Variants in SMURF2 observed in about 807,000 individuals in gnomAD.
SMURF2 encodes the protein SMAD specific E3 ubiquitin protein ligase 2, also known as E3 ubiquitin-protein ligase SMURF2.
In SMURF2, 48 loss-of-function variants were observed where a neutral mutation model predicts 109.6. The ratio of observed to expected loss-of-function variants is 0.44; its 90% CI spans 0.35 to 0.56. The LOEUF is 0.56. SMURF2 is among the 20% of genes least tolerant of loss of function. The pLI, the probability that SMURF2 is intolerant of heterozygous loss-of-function variation, is 0.01. For missense variants in SMURF2, 575 were observed against 909.0 expected (o/e 0.63, Z 4.72); for synonymous variants, 288 against 317.1 (o/e 0.91, Z 0.97).
chr17:64,628,008 G>A (rs1449308658), intron 1 of SMURF2, among the ~76,000 whole-genome samples: 2 of 152,098 alleles, frequency 1.3e-5, no homozygotes, highest in Non-Finnish European at 2.9e-5. Flanking sequence ...TAACAGTTTG[G>A]AAGTCCCACA....
At chr17:64,569,311 A>C (rs1439442322) in intron 10 of SMURF2, among the ~76,000 whole-genome samples, 1 of 152,130 alleles carries the variant, frequency 6.6e-6, no homozygotes, top group African/African-American at 2.4e-5. Context: ...AAAAAAAAAA[A>C]AATCCATACA....
At chr17:64,591,288 A>G in intron 4 of SMURF2, 139 bp from the exon 5 acceptor site, 1 of 607,748 alleles carries the variant, frequency 1.6e-6, no homozygotes, top group East Asian at 3.0e-5. Flanking sequence ...CAAAAACCAA[A>G]CACTGGTGTA....
intron 1 of SMURF2, among the ~76,000 whole-genome samples, chr17:64,622,573 G>A (rs1210469128): frequency 6.6e-6 from 1 of 152,056 alleles, no homozygotes; most frequent in African/African-American, 2.4e-5. Context: ...TCCTCAACTG[G>A]GATTTGTCTA....
chr17:64,614,045 T>C (rs1211129166), intron 1 of SMURF2, among the ~76,000 whole-genome samples: 2 of 151,966 alleles, frequency 1.3e-5, no homozygotes, highest in African/African-American at 4.8e-5. Context: ...GAGAATCTAT[T>C]GCCGCTGCTG....
chr17:64,653,880 A>G (rs544878602), intron 1 of SMURF2, among the ~76,000 whole-genome samples: 4 of 152,334 alleles, frequency 2.6e-5, no homozygotes, highest in African/African-American at 9.6e-5. Context: ...ATTGGTGTAC[A>G]ATGCAGTATT....
chr17:64,645,633 C>T (rs574186645), intron 1 of SMURF2, among the ~76,000 whole-genome samples: 52 of 151,936 alleles, frequency 3.4e-4, no homozygotes, highest in Admixed American at 1.2e-3. Context: ...ACATGCATGT[C>T]TCCTTTTTGT....
intron 1 of SMURF2, among the ~76,000 whole-genome samples, chr17:64,625,587 G>C (rs1269742752): frequency 1.3e-5 from 2 of 152,120 alleles, no homozygotes; most frequent in African/African-American, 4.8e-5. Context: ...AACTGGTATT[G>C]GTTGGTGTAT....
chr17:64,581,088 C>G lies in SMURF2; in HGVS notation c.570-97G>C. 1 of 1,077,860 alleles carries G rather than the reference C, an allele frequency of 9.3e-7. No homozygotes were observed. Among genetic ancestry groups the G allele is most frequent in the Non-Finnish European group, 1.4e-6 (1 of 731,386 alleles). The allele number at this position is 1,077,860 out of a possible 1,614,324, so 66.8% of individuals were successfully genotyped here. ...ATATACTGCAGTAACAACCACTTATCATGTCTGAAAACAGAATGACTAATA... is the reference window on the plus strand; with the variant it reads ...ATATACTGCAGTAACAACCACTTATGATGTCTGAAAACAGAATGACTAATA... On this transcript the variant is annotated intron_variant, in intron 7 of 18. Transcript: ENST00000262435. This position sits in a 1 kb window ranked among gnomAD's most constrained non-coding sequence, Gnocchi z 4.3.
At chr17:64,590,167 G>T in intron 5 of SMURF2, among the ~76,000 whole-genome samples, 1 of 139,136 alleles carries the variant, frequency 7.2e-6, no homozygotes, top group Admixed American at 7.4e-5. Flanking sequence ...TTTGAGACAG[G>T]GTCTTGCTCT....
At chr17:64,644,898 T>G (rs1970539760) in intron 1 of SMURF2, among the ~76,000 whole-genome samples, 1 of 151,740 alleles carries the variant, frequency 6.6e-6, no homozygotes, top group South Asian at 2.1e-4. Flanking sequence ...TAATTCCAGC[T>G]ACTCAAGAGG....
chr17:64,623,935 T>C (rs1046068095), intron 1 of SMURF2, among the ~76,000 whole-genome samples: 30 of 152,366 alleles, frequency 2.0e-4, no homozygotes, highest in Admixed American at 1.9e-3. Context: ...TGTCTATACA[T>C]ATTTGATAAT....
At position 64,586,182 on chromosome 17, in the gene SMURF2, C is replaced by A; in HGVS notation, c.401-12G>T. ...GGACTGAAGACTTACTATTAAATGA[C>A]AGAAATATTACTAAGATTCATACAA... On this transcript the variant is annotated splice_polypyrimidine_tract_variant and intron_variant, in intron 5 of 18. Coordinates refer to ENST00000262435, the MANE Select transcript of SMURF2 (RefSeq NM_022739.4). 6.4e-7 allele frequency: 1 copy of A among 1,554,334 alleles called. No individual in the cohort carries two copies. The highest frequency in any genetic ancestry group is 1.2e-5 in the South Asian group (1 of 85,298).
At chr17:64,578,955 CAA>C (rs1969538840) in intron 8 of SMURF2, among the ~76,000 whole-genome samples, 2 of 152,298 alleles carry the variant, frequency 1.3e-5, no homozygotes, top group South Asian at 2.1e-4. Flanking sequence ...CAGAAATTTT[CAA>C]AGAGTCTGGA....
In SMURF2 at chr17:64,571,937, A is replaced by G; in HGVS notation, c.877T>C (p.Cys293Arg). The change falls in exon 10 of 19, where the codon TGT becomes CGT. Residue 293 changes from cysteine to arginine, a missense_variant. Around this residue, in one of 5 missense-constraint regions of SMURF2, gnomAD observed 361 missense variants for 612.1 expected, o/e 0.59. Transcript: ENST00000262435. ...GGAGGCAATGGACCAAGCTCTTCACAATTGATGTTGCTAAGATCCCTGCAA... is the reference window on the plus strand; with the variant it reads ...GGAGGCAATGGACCAAGCTCTTCACGATTGATGTTGCTAAGATCCCTGCAA... Reference protein sequence around the residue: ...RVPRDLSNINCEELGPLPPGW... With the variant: ...RVPRDLSNINREELGPLPPGW... 1.2e-6 allele frequency: 2 copies of G among 1,612,392 alleles called. No homozygotes were observed. The highest frequency in any genetic ancestry group is 1.7e-6 in the Non-Finnish European group (2 of 1,179,364).
At position 64,577,941 on chromosome 17, in the gene SMURF2, CTTTTTTT is replaced by C. The variant is rs1157721982; in HGVS notation, c.857+544_857+550del. Among the ~76,000 whole-genome samples the C allele has an allele frequency of 2.5e-5, 3 of 121,208 alleles. No homozygotes were observed. The Admixed American group carries it at 2.8e-4, about 11-fold the overall frequency. The allele number at this position is 121,208 out of a possible 152,430, so 79.5% of individuals were successfully genotyped here. A position where few individuals can be genotyped will look rare whatever the true frequency, so the allele number is the denominator to read the frequency against. On this transcript the variant is annotated intron_variant, in intron 9 of 18. Coordinates refer to ENST00000262435, the MANE Select transcript of SMURF2 (RefSeq NM_022739.4). ...CTAAAAGATCCATGTTTTCATTCCA[CTTTTTTT>C]TTTTTTTTTTTTTTTGAGACAGAGT...
In SMURF2 at chr17:64,564,788, A is replaced by T. The variant is rs114074629; in HGVS notation, c.1017-1822T>A. Among the ~76,000 whole-genome samples, 1,220 of 152,306 alleles carry T rather than the reference A, an allele frequency of 8.0e-3. 18 individuals carry two copies. The highest frequency in any genetic ancestry group is 0.028 in the African/African-American group (1,155 of 41,570). On this transcript the variant is annotated intron_variant, in intron 10 of 18. Coordinates refer to ENST00000262435, the MANE Select transcript of SMURF2 (RefSeq NM_022739.4). Reference sequence around the variant, plus strand: ...ACTCATTATCACTTACTATAGAGTCAGCCCCTTACCCTGTAGTTCTGCCTC... The same window carrying T: ...ACTCATTATCACTTACTATAGAGTCTGCCCCTTACCCTGTAGTTCTGCCTC...
intron 10 of SMURF2, among the ~76,000 whole-genome samples, chr17:64,570,988 G>A (rs1159087746): frequency 5.9e-5 from 9 of 151,806 alleles, no homozygotes; most frequent in African/African-American, 2.2e-4. Flanking sequence ...CTCACATGTT[G>A]GCCAGGTTGG....
intron 1 of SMURF2, among the ~76,000 whole-genome samples, chr17:64,642,553 A>G (rs1970505681): frequency 6.6e-6 from 1 of 152,186 alleles, no homozygotes. Context: ...AACAAAGCAA[A>G]AATTAAGTTT....
chr17:64,581,036 A>C lies in SMURF2; in HGVS notation c.570-45T>G. 6.4e-7 allele frequency: 1 copy of C among 1,561,646 alleles called. No homozygotes were observed. Among genetic ancestry groups the C allele is most frequent in the African/African-American group, 1.4e-5 (1 of 73,866 alleles). On this transcript the variant is annotated intron_variant, in intron 7 of 18. Coordinates refer to ENST00000262435, the MANE Select transcript of SMURF2 (RefSeq NM_022739.4). This position sits in a 1 kb window ranked among gnomAD's most constrained non-coding sequence, Gnocchi z 4.3. ...AAAAGATGTTATCAATTTAGATATC[A>C]AAAGTAGAGTTCTCTAGACAATATA...
Sources: allele counts gnomAD v4.1 joint callset (sites outside exome capture counted in the v4.1 genomes callset), GRCh38; gene constraint gnomAD v4.1.1; regional missense constraint gnomAD v4.1.1; non-coding constraint Gnocchi (gnomAD v3.1); transcripts MANE v1.5; gene names NCBI Gene and HGNC (gene_info 2026-07-23, HGNC 2026-07-21).